CTBP2: variants seen among roughly 807,000 people sequenced by gnomAD.
The protein encoded by CTBP2 is C-terminal-binding protein 2.
In CTBP2, 30 loss-of-function variants were observed where a neutral mutation model predicts 80.3. The ratio of observed to expected loss-of-function variants is 0.37; its 90% CI spans 0.28 to 0.51. The LOEUF is 0.51. Among genes scored for constraint, CTBP2 ranks in the 20% least tolerant of loss-of-function variants. CTBP2 has a pLI of 0.93. For missense variants in CTBP2, 1,212 were observed against 1,375.3 expected, an observed-to-expected ratio of 0.88 and a Z score of 1.88; for synonymous variants, 594 against 587.4, an observed-to-expected ratio of 1.01 and a Z score of -0.16.
intron 2 of CTBP2, among the ~76,000 whole-genome samples, chr10:125,062,449 G>A (rs928717599): frequency 1.0e-3 from 103 of 98,468 alleles, no homozygotes; most frequent in African/African-American, 7.1e-3. Flanking sequence ...ACACTGTAAC[G>A]TGGGGACAAC....
At chr10:125,084,358 C>T (rs371220727) in intron 2 of CTBP2, among the ~76,000 whole-genome samples, 30 of 152,270 alleles carry the variant, frequency 2.0e-4, no homozygotes, top group East Asian at 5.8e-4. Context: ...CCTTCTATTT[C>T]GAGCCAACAG....
chr10:125,076,793 T>C (rs1490169024), intron 2 of CTBP2, among the ~76,000 whole-genome samples: 1 of 152,210 alleles, frequency 6.6e-6, no homozygotes, highest in African/African-American at 2.4e-5. Context: ...AGATGGCTCG[T>C]TCCTTGTGCA....
intron 1 of CTBP2, among the ~76,000 whole-genome samples, chr10:125,016,166 C>T (rs545965523): frequency 1.3e-5 from 2 of 152,290 alleles, no homozygotes; most frequent in African/African-American, 4.8e-5. Flanking sequence ...GAGGCCCCGC[C>T]CACCCTTCCC....
At position 124,984,921 on chromosome 10, in the gene CTBP2, C is replaced by T. The variant is rs566345466; in HGVS notation, c.*4597G>A. The T allele has an allele frequency of 6.2e-6, 10 of 1,613,750 alleles. No individual in the cohort carries two copies. The highest frequency in any genetic ancestry group is 3.3e-5 in the Admixed American group (2 of 59,966). ...TCAGATGGTAGAAAAATGGCTTGAC[C>T]GCTACCGACAGATCCGGCCGTGTAC... On this transcript the variant is annotated 3_prime_UTR_variant, in exon 9 of 9. Coordinates refer to ENST00000309035, the MANE Select transcript of CTBP2 (RefSeq NM_022802.3).
intron 1 of CTBP2, among the ~76,000 whole-genome samples, chr10:125,147,430 C>T (rs1048901828): frequency 2.6e-5 from 4 of 152,108 alleles, no homozygotes; most frequent in Admixed American, 6.5e-5. Flanking sequence ...CTTGGAGTGA[C>T]CTAATACGTA....
intron 1 of CTBP2, among the ~76,000 whole-genome samples, chr10:125,121,662 T>C (rs2136037556): frequency 1.3e-5 from 2 of 152,264 alleles, no homozygotes; most frequent in Middle Eastern, 3.4e-3. Flanking sequence ...CCAAAATATA[T>C]TCCCTCTAGA....
chr10:125,132,217 C>T (rs1345525523), intron 1 of CTBP2, among the ~76,000 whole-genome samples: 10 of 151,770 alleles, frequency 6.6e-5, no homozygotes, highest in Non-Finnish European at 1.0e-4. Context: ...AAAACTTTTG[C>T]AAAAACAGGT....
chr10:125,041,479 T>C (rs901375451), intron 2 of CTBP2, among the ~76,000 whole-genome samples: 3 of 148,522 alleles, frequency 2.0e-5, no homozygotes, highest in Non-Finnish European at 4.5e-5. Context: ...GCCAAACCTA[T>C]TGATCTGAGC....
chr10:125,023,536 G>A (rs969308771), intron 1 of CTBP2, among the ~76,000 whole-genome samples: 1 of 152,196 alleles, frequency 6.6e-6, no homozygotes, highest in South Asian at 2.1e-4. Context: ...AGGTCAGCCT[G>A]AGAGCGACAG....
At chr10:125,080,183 T>C (rs889846158) in intron 2 of CTBP2, among the ~76,000 whole-genome samples, 1 of 152,172 alleles carries the variant, frequency 6.6e-6, no homozygotes, top group African/African-American at 2.4e-5. Context: ...GAGGGGCCCA[T>C]ATTTTTTGGA....
At chr10:124,989,720 G>GT in intron 8 of CTBP2, 22 bp from the exon 11 acceptor site, 1 of 1,536,538 alleles carries the variant, frequency 6.5e-7, no homozygotes. Flanking sequence ...ACAGAAATAG[G>GT]GCCTTGTAAG....
At chr10:125,030,087 G>A (rs572328282), upstream of CTBP2, among the ~76,000 whole-genome samples, 74 of 152,024 alleles carry the variant, frequency 4.9e-4, no homozygotes, top group African/African-American at 1.7e-3. Context: ...GTTTTCCTGC[G>A]CTAGGTAAAA....
At chr10:125,054,593 G>A (rs1386858668) in intron 2 of CTBP2, among the ~76,000 whole-genome samples, 1 of 152,230 alleles carries the variant, frequency 6.6e-6, no homozygotes, top group Admixed American at 6.5e-5. Flanking sequence ...AGACAATAAA[G>A]TTTTGTTGTT....
intron 2 of CTBP2, among the ~76,000 whole-genome samples, chr10:125,106,959 A>T (rs1227943259): frequency 6.6e-6 from 1 of 152,214 alleles, no homozygotes; most frequent in Non-Finnish European, 1.5e-5. Flanking sequence ...GGACGGGGTG[A>T]TCTCTCCATC....
chr10:125,055,111 C>T (rs996485840), intron 2 of CTBP2, among the ~76,000 whole-genome samples: 1 of 152,206 alleles, frequency 6.6e-6, no homozygotes, highest in African/African-American at 2.4e-5. Context: ...GCCTCCTAGA[C>T]CCCCCTCTGA....
chr10:125,117,245 G>A (rs772275683), intron 1 of CTBP2, among the ~76,000 whole-genome samples: 126 of 152,318 alleles, frequency 8.3e-4, no homozygotes, highest in Middle Eastern at 6.8e-3. Flanking sequence ...TGGGATGGCC[G>A]CCAGCTGGCT....
At position 124,988,754 on chromosome 10, in the gene CTBP2, A is replaced by T. The variant is rs79546573; in HGVS notation, c.*764T>A. ...AAGTTACCATAAAAAGTGTTTCCTG[A>T]GACATAAGGAAATGCAACATTATTC... On this transcript the variant is annotated 3_prime_UTR_variant, in exon 9 of 9. Coordinates refer to ENST00000309035, the MANE Select transcript of CTBP2 (RefSeq NM_022802.3). 1 of 152,682 alleles carries T rather than the reference A, an allele frequency of 6.5e-6. No homozygotes were observed. The highest frequency in any genetic ancestry group is 2.4e-5 in the African/African-American group (1 of 41,474). The allele number at this position is 152,682 out of a possible 1,614,324, so 9.5% of individuals were successfully genotyped here. A position where few individuals can be genotyped will look rare whatever the true frequency, so the allele number is the denominator to read the frequency against.
At chr10:125,127,880 T>C (rs1449903703) in intron 1 of CTBP2, among the ~76,000 whole-genome samples, 1 of 152,228 alleles carries the variant, frequency 6.6e-6, no homozygotes, top group Non-Finnish European at 1.5e-5. Flanking sequence ...AAATCAATTT[T>C]GGCCCTCCCC....
At chr10:125,118,733 G>GGGGGGGGGGGGAGGGGA (rs1853795524) in intron 1 of CTBP2, among the ~76,000 whole-genome samples, 1 of 143,440 alleles carries the variant, frequency 7.0e-6, no homozygotes, top group Non-Finnish European at 1.5e-5. Context: ...GTGGGAGGGG[G>GGGGGGGGGGGGAGGGGA]GGATGGGGAA....
Sources: allele counts gnomAD v4.1 joint callset (sites outside exome capture counted in the v4.1 genomes callset), GRCh38; gene constraint gnomAD v4.1.1; transcripts MANE v1.5; gene names NCBI Gene and HGNC (gene_info 2026-07-23, HGNC 2026-07-21).